Variants in IMMP2L observed in about 807,000 individuals in gnomAD.
IMMP2L encodes the protein inner mitochondrial membrane peptidase subunit 2, also known as mitochondrial inner membrane protease subunit 2.
Under a neutral mutation model 19.3 loss-of-function variants are expected in IMMP2L, and 18 were observed. The ratio of observed to expected loss-of-function variants is 0.93; its 90% CI spans 0.64 to 1.38. The LOEUF is 1.38. Ranked by LOEUF, IMMP2L falls within the 40% of genes most tolerant of loss-of-function variation. The pLI is 0.00. For synonymous variants in IMMP2L, 76 were observed against 73.0 expected, an observed-to-expected ratio of 1.04 and a Z score of -0.21; for missense variants, 233 against 218.2, an observed-to-expected ratio of 1.07 and a Z score of -0.43.
intron 5 of IMMP2L, among the ~76,000 whole-genome samples, chr7:110,694,289 G>A (rs546920713): frequency 2.2e-3 from 329 of 152,230 alleles, no homozygotes; most frequent in African/African-American, 4.8e-3. Flanking sequence ...AGAACAATTG[G>A]ATCCTGACAG....
intron 1 of IMMP2L, among the ~76,000 whole-genome samples, chr7:111,536,315 G>C (rs1847884380): frequency 6.6e-6 from 1 of 151,734 alleles, no homozygotes; most frequent in South Asian, 2.1e-4. Context: ...GTTGTTTTTT[G>C]GGGTTTTTTT....
chr7:111,392,877 C>T, intron 3 of IMMP2L: 1 of 456,212 alleles, frequency 2.2e-6, no homozygotes, highest in Admixed American at 2.4e-5. Flanking sequence ...TGGAAGGGTC[C>T]AGAGCATAGT....
chr7:111,279,915 C>A (rs2130573611), intron 3 of IMMP2L, among the ~76,000 whole-genome samples: 1 of 152,248 alleles, frequency 6.6e-6, no homozygotes, highest in South Asian at 2.1e-4. Flanking sequence ...CTTGACCTAT[C>A]CAGTTTTCTC....
In IMMP2L at chr7:110,953,117, T is replaced by C. The variant is rs539065032; in HGVS notation, c.305+10383A>G. 1.7e-4 allele frequency among the ~76,000 whole-genome samples: 26 copies of C among 152,206 alleles called. No homozygotes were observed. In the South Asian group the frequency reaches 5.2e-3, roughly 30 times the overall value. On this transcript the variant is annotated intron_variant, in intron 4 of 5. Coordinates refer to ENST00000405709, the MANE Select transcript of IMMP2L (RefSeq NM_032549.4). ...CTTAGAAATATATTTCAAGTGCATATTTTCATTTTGGAATATTCAAGATAA... is the reference window on the plus strand; with the variant it reads ...CTTAGAAATATATTTCAAGTGCATACTTTCATTTTGGAATATTCAAGATAA...
chr7:111,201,672 C>T (rs923211680), intron 3 of IMMP2L, among the ~76,000 whole-genome samples: 14 of 150,764 alleles, frequency 9.3e-5, no homozygotes, highest in African/African-American at 3.4e-4. Flanking sequence ...GCTGAGATTG[C>T]GCCACTGCAC....
intron 1 of IMMP2L, 118 bp downstream of exon 1, chr7:111,561,733 A>T (rs1295191421): frequency 1.3e-5 from 2 of 152,738 alleles, no homozygotes; most frequent in Non-Finnish European, 1.5e-5. Flanking sequence ...CCCGATGAAA[A>T]GGTAGAATCT....
chr7:111,536,538 T>C (rs963637988), intron 1 of IMMP2L, among the ~76,000 whole-genome samples: 3 of 152,036 alleles, frequency 2.0e-5, no homozygotes, highest in Non-Finnish European at 4.4e-5. Flanking sequence ...AACTCCTGAA[T>C]TCAAGTGGTC....
intron 4 of IMMP2L, among the ~76,000 whole-genome samples, chr7:110,949,067 T>C (rs1563103906): frequency 6.6e-6 from 1 of 152,214 alleles, no homozygotes; most frequent in Non-Finnish European, 1.5e-5. Flanking sequence ...TCCCTTGTTT[T>C]GAGACATTTC....
intron 3 of IMMP2L, among the ~76,000 whole-genome samples, chr7:111,395,856 G>A (rs1048760597): frequency 6.6e-6 from 1 of 152,116 alleles, no homozygotes; most frequent in Non-Finnish European, 1.5e-5. Flanking sequence ...AGTGTCTGAA[G>A]AAGAGAAAAC....
intron 3 of IMMP2L, among the ~76,000 whole-genome samples, chr7:111,360,728 G>C (rs981240675): frequency 2.0e-5 from 3 of 152,062 alleles, no homozygotes; most frequent in African/African-American, 7.2e-5. Flanking sequence ...TGAGGCAGGA[G>C]AATCACTTGA....
At chr7:110,770,061 C>T (rs1270967691) in intron 5 of IMMP2L, among the ~76,000 whole-genome samples, 1 of 152,178 alleles carries the variant, frequency 6.6e-6, no homozygotes, top group Non-Finnish European at 1.5e-5. Flanking sequence ...ATACATACAA[C>T]AGTAACGATT....
chr7:111,317,585 A>T (rs1206487167), intron 3 of IMMP2L, among the ~76,000 whole-genome samples: 1 of 152,134 alleles, frequency 6.6e-6, no homozygotes, highest in African/African-American at 2.4e-5. Context: ...AATTAAAGGC[A>T]AATTTTCTTA....
intron 5 of IMMP2L, among the ~76,000 whole-genome samples, chr7:110,847,157 G>C (rs1805748511): frequency 6.6e-6 from 1 of 152,132 alleles, no homozygotes; most frequent in Non-Finnish European, 1.5e-5. Flanking sequence ...AAATTATGCT[G>C]ATTTAAAAAG....
At chr7:111,304,280 C>T (rs2130082275) in intron 3 of IMMP2L, among the ~76,000 whole-genome samples, 1 of 152,070 alleles carries the variant, frequency 6.6e-6, no homozygotes, top group African/African-American at 2.4e-5. Flanking sequence ...ATAACATGTG[C>T]AGTTAAAGCT....
intron 3 of IMMP2L, among the ~76,000 whole-genome samples, chr7:111,410,021 G>C (rs1834259348): frequency 6.6e-6 from 1 of 151,752 alleles, no homozygotes; most frequent in Admixed American, 6.6e-5. Flanking sequence ...GAATTTGTGG[G>C]ACATATTAAA....
chr7:111,168,159 A>C (rs1806038544), intron 3 of IMMP2L, among the ~76,000 whole-genome samples: 1 of 152,022 alleles, frequency 6.6e-6, no homozygotes, highest in South Asian at 2.1e-4. Context: ...TTGTCTGTAA[A>C]AATGGACTTA....
At chr7:111,307,129 A>G (rs146865841) in intron 3 of IMMP2L, among the ~76,000 whole-genome samples, 207 of 151,524 alleles carry the variant, frequency 1.4e-3, no homozygotes, top group Non-Finnish European at 2.7e-3. Context: ...TCTATTATAC[A>G]ATCTTAAATT....
chr7:110,953,328 C>T lies in IMMP2L; in HGVS notation c.305+10172G>A, dbSNP rs190081579. On this transcript the variant is annotated intron_variant, in intron 4 of 5. Transcript: ENST00000405709. ...CTGTCCCTCTCCTTGTCCCCCACCC[C>T]CCGACAGGCCCCAGTGTGTGATGTT... Among the ~76,000 whole-genome samples the T allele has an allele frequency of 2.3e-3, 344 of 151,872 alleles. 4 individuals are homozygous for T. The highest frequency in any genetic ancestry group is 0.014 in the Middle Eastern group (4 of 294).
At chr7:110,676,300 C>G (rs1431878456) in intron 5 of IMMP2L, among the ~76,000 whole-genome samples, 1 of 152,240 alleles carries the variant, frequency 6.6e-6, no homozygotes, top group Admixed American at 6.5e-5. Flanking sequence ...CAACTCTGTA[C>G]TTGCAGCACA....
Sources: gnomAD v4.1 joint callset for allele counts (sites outside exome capture counted in the v4.1 genomes callset) on GRCh38, gnomAD v4.1.1 for gene constraint, MANE v1.5 for transcripts, NCBI Gene and HGNC (gene_info 2026-07-23, HGNC 2026-07-21) for gene names.